The following BCAS1 variants were observed in gnomAD, a reference collection of about 807,000 sequenced individuals.
The protein encoded by BCAS1 is brain enriched myelin associated protein 1.
Under a neutral mutation model 65.4 loss-of-function variants are expected in BCAS1, and 46 were observed. The observed-to-expected ratio is 0.70, with a 90% CI of 0.55 to 0.90. The LOEUF is 0.90. BCAS1 is among the 40% of genes least tolerant of loss of function. BCAS1 has a pLI of 0.00. For synonymous variants in BCAS1, 298 were observed against 293.5 expected, an observed-to-expected ratio of 1.02 and a Z score of -0.16; for missense variants, 793 against 771.2, an observed-to-expected ratio of 1.03 and a Z score of -0.33.
At chr20:53,995,812 A>C (rs1006735592) in intron 5 of BCAS1, 80 bp downstream of exon 5, 6 of 1,413,764 alleles carry the variant, frequency 4.2e-6, no homozygotes, top group Non-Finnish European at 3.8e-6. Flanking sequence ...GTACAATAAC[A>C]TTCAAATGTG....
intron 3 of BCAS1, among the ~76,000 whole-genome samples, chr20:54,035,272 C>T (rs1307974258): frequency 6.7e-6 from 1 of 150,092 alleles, no homozygotes; most frequent in Non-Finnish European, 1.5e-5. Flanking sequence ...TGGTGGCAGG[C>T]GCCTGTAGTC....
intron 9 of BCAS1, among the ~76,000 whole-genome samples, chr20:53,969,855 A>G (rs1019789143): frequency 2.0e-5 from 3 of 152,166 alleles, no homozygotes; most frequent in African/African-American, 7.2e-5. Flanking sequence ...CCCCTACCTC[A>G]GGGTACCTAA....
chr20:54,053,435 T>A (rs1396228554), intron 3 of BCAS1, among the ~76,000 whole-genome samples: 1 of 152,188 alleles, frequency 6.6e-6, no homozygotes, highest in Admixed American at 6.5e-5. Context: ...TTTTCCCTGA[T>A]TGATATCTCT....
chr20:54,013,967 TTTTG>T (rs2091377544), intron 4 of BCAS1, among the ~76,000 whole-genome samples: 1 of 152,246 alleles, frequency 6.6e-6, no homozygotes, highest in Non-Finnish European at 1.5e-5. Flanking sequence ...TTTTATAATT[TTTTG>T]TTTTGAACAG....
intron 4 of BCAS1, among the ~76,000 whole-genome samples, chr20:53,999,938 C>G (rs1388208326): frequency 6.6e-6 from 1 of 152,096 alleles, no homozygotes. Context: ...CCGTGTTGGC[C>G]AGGCTGGTCT....
intron 4 of BCAS1, among the ~76,000 whole-genome samples, chr20:54,005,033 A>G (rs997591378): frequency 3.9e-5 from 6 of 152,220 alleles, no homozygotes; most frequent in African/African-American, 1.4e-4. Context: ...TATTGTGTTT[A>G]ATTTAATTAC....
chr20:54,006,664 C>T (rs968946656), intron 4 of BCAS1, among the ~76,000 whole-genome samples: 23 of 150,582 alleles, frequency 1.5e-4, no homozygotes, highest in African/African-American at 4.4e-4. Flanking sequence ...GAGCCAAGAT[C>T]GCACCACTGC....
intron 1 of BCAS1, among the ~76,000 whole-genome samples, chr20:54,060,719 T>C (rs1014570371): frequency 3.3e-5 from 5 of 152,200 alleles, no homozygotes; most frequent in Non-Finnish European, 5.9e-5. Context: ...TGACTGTTAA[T>C]GTGGTTATTG....
intron 10 of BCAS1, among the ~76,000 whole-genome samples, chr20:53,963,695 G>A (rs1246357476): frequency 1.3e-5 from 2 of 152,168 alleles, no homozygotes; most frequent in Non-Finnish European, 2.9e-5. Flanking sequence ...AACCCTTAGC[G>A]ATGGGCCAGA....
intron 4 of BCAS1, among the ~76,000 whole-genome samples, chr20:54,009,121 A>G (rs1337174678): frequency 1.3e-5 from 2 of 152,222 alleles, no homozygotes; most frequent in African/African-American, 4.8e-5. Flanking sequence ...CCTCTGACAA[A>G]GATTTTAAAG....
chr20:54,015,450 T>A (rs1221119893), intron 4 of BCAS1, among the ~76,000 whole-genome samples: 11 of 152,176 alleles, frequency 7.2e-5, no homozygotes, highest in Admixed American at 7.2e-4. Flanking sequence ...CCTACCCAAT[T>A]CACATCAACT....
intron 3 of BCAS1, among the ~76,000 whole-genome samples, chr20:54,041,865 C>T (rs2092000502): frequency 1.6e-5 from 2 of 128,078 alleles, no homozygotes; most frequent in South Asian, 5.6e-4. Flanking sequence ...TGCCACTGCA[C>T]TCTAACCTGG....
intron 8 of BCAS1, among the ~76,000 whole-genome samples, chr20:53,981,529 A>AT (rs2090478534): frequency 6.6e-6 from 1 of 150,450 alleles, no homozygotes; most frequent in South Asian, 2.1e-4. Context: ...AATATCAGTC[A>AT]TTTGGCGTTC....
Position 54,034,140 on chromosome 20 carries a change from A to G in BCAS1, c.143-5168T>C, listed in dbSNP as rs553857958. 4.0e-5 allele frequency among the ~76,000 whole-genome samples: 6 copies of G among 151,458 alleles called. No individual in the cohort carries two copies. In the South Asian group the frequency reaches 1.0e-3, roughly 26 times the overall value. On this transcript the variant is annotated intron_variant, in intron 3 of 12. Coordinates refer to ENST00000688948, the MANE Select transcript of BCAS1 (RefSeq NM_001366298.2). Reference sequence around the variant, plus strand: ...TATTGAAGGAACATACCTCAAAATAATAAGAGCCATGTATGACAAACCCAC... The same window carrying G: ...TATTGAAGGAACATACCTCAAAATAGTAAGAGCCATGTATGACAAACCCAC...
chr20:54,003,145 G>A (rs2091098497), intron 4 of BCAS1, among the ~76,000 whole-genome samples: 1 of 145,064 alleles, frequency 6.9e-6, no homozygotes, highest in Non-Finnish European at 1.5e-5. Context: ...TTCGTTGTGA[G>A]TTTCCATAAG....
chr20:53,957,284 C>T, intron 11 of BCAS1, 148 bp downstream of exon 11: 1 of 717,102 alleles, frequency 1.4e-6, no homozygotes, highest in Non-Finnish European at 2.4e-6. Flanking sequence ...TCTGCAGACC[C>T]CAACATAGTT....
At chr20:54,007,322 G>A (rs1403006873) in intron 4 of BCAS1, among the ~76,000 whole-genome samples, 3 of 152,186 alleles carry the variant, frequency 2.0e-5, no homozygotes, top group African/African-American at 4.8e-5. Flanking sequence ...CAGCTGAAGG[G>A]ACTAGGAATT....
At chr20:54,064,897 A>G (rs1429892657) in intron 1 of BCAS1, among the ~76,000 whole-genome samples, 1 of 111,532 alleles carries the variant, frequency 9.0e-6, no homozygotes, top group Non-Finnish European at 1.8e-5. Flanking sequence ...TGAGTTAGGT[A>G]CTTTTATTTT....
At chr20:54,026,596 C>A (rs2091677778) in intron 4 of BCAS1, among the ~76,000 whole-genome samples, 1 of 152,194 alleles carries the variant, frequency 6.6e-6, no homozygotes, top group Non-Finnish European at 1.5e-5. Context: ...AATGGATAGG[C>A]TTTGGATGCC....
Sources: allele counts gnomAD v4.1 joint callset (sites outside exome capture counted in the v4.1 genomes callset), GRCh38; gene constraint gnomAD v4.1.1; transcripts MANE v1.5; gene names NCBI Gene and HGNC (gene_info 2026-07-23, HGNC 2026-07-21).